CDH18: variants seen among roughly 807,000 people sequenced by gnomAD.
CDH18 encodes cadherin 18.
A neutral mutation model predicts 67.9 loss-of-function variants in CDH18; 31 were observed. The ratio of observed to expected loss-of-function variants is 0.46; its 90% CI spans 0.34 to 0.62. CDH18 has a LOEUF of 0.62. Among genes scored for constraint, CDH18 ranks in the 20% least tolerant of loss-of-function variants. The probability of loss-of-function intolerance (pLI) is 0.01; values close to 1 mark genes in which losing one functional copy is unlikely to be tolerated. For synonymous variants in CDH18, 362 were observed against 347.2 expected, an observed-to-expected ratio of 1.04 and a Z score of -0.48; for missense variants, 890 against 975.5, an observed-to-expected ratio of 0.91 and a Z score of 1.17.
chr5:19,983,472 G>A (rs1799263403), intron 1 of CDH18, among the ~76,000 whole-genome samples: 1 of 152,104 alleles, frequency 6.6e-6, no homozygotes. Flanking sequence ...TGTGTTTTGA[G>A]TAAAATCTTG....
chr5:20,251,069 G>T (rs1743823287), intron 2 of CDH18, among the ~76,000 whole-genome samples: 1 of 152,128 alleles, frequency 6.6e-6, no homozygotes, highest in Non-Finnish European at 1.5e-5. Context: ...TAAAATTTGT[G>T]ATGTTCTACA....
At chr5:20,296,921 C>T (rs1336064506) in intron 1 of CDH18, among the ~76,000 whole-genome samples, 1 of 151,628 alleles carries the variant, frequency 6.6e-6, no homozygotes, top group Admixed American at 6.6e-5. Context: ...GTCTATGTTA[C>T]TCAATACAGA....
At chr5:20,091,216 T>C (rs1226786188) in intron 2 of CDH18, among the ~76,000 whole-genome samples, 1 of 152,138 alleles carries the variant, frequency 6.6e-6, no homozygotes, top group Non-Finnish European at 1.5e-5. Context: ...CCAGGCACAG[T>C]GGCTCATGCC....
intron 1 of CDH18, among the ~76,000 whole-genome samples, chr5:20,408,922 A>G (rs911564764): frequency 8.6e-5 from 13 of 151,870 alleles, no homozygotes; most frequent in Admixed American, 4.6e-4. Context: ...AGGAATACTT[A>G]TCTCAGAAAA....
chr5:20,171,401 C>T (rs1736697097), intron 2 of CDH18, among the ~76,000 whole-genome samples: 1 of 151,924 alleles, frequency 6.6e-6, no homozygotes, highest in Non-Finnish European at 1.5e-5. Flanking sequence ...TTTTTAATAA[C>T]CATTCTGAGT....
At chr5:20,056,692 T>C (rs910813988) in intron 2 of CDH18, among the ~76,000 whole-genome samples, 2 of 136,336 alleles carry the variant, frequency 1.5e-5, no homozygotes, top group Admixed American at 1.5e-4. Context: ...TTTTTTTTTT[T>C]TTTTTTTTTT....
At chr5:19,737,945 A>G (rs2150679658) in intron 4 of CDH18, among the ~76,000 whole-genome samples, 1 of 152,262 alleles carries the variant, frequency 6.6e-6, no homozygotes, top group South Asian at 2.1e-4. Context: ...TGTTATTATT[A>G]GGATCTATAT....
At chr5:20,439,119 A>T (rs1324365842) in intron 1 of CDH18, among the ~76,000 whole-genome samples, 1 of 151,074 alleles carries the variant, frequency 6.6e-6, no homozygotes, top group African/African-American at 2.4e-5. Context: ...AAATATGTAC[A>T]TATTTGATCT....
intron 3 of CDH18, among the ~76,000 whole-genome samples, chr5:19,780,718 A>G (rs1159807173): frequency 6.6e-6 from 1 of 152,018 alleles, no homozygotes. Flanking sequence ...TAGAGACAAA[A>G]TGTATTTATA....
intron 2 of CDH18, among the ~76,000 whole-genome samples, chr5:20,053,474 A>G (rs1347523): frequency 1.3e-5 from 2 of 151,846 alleles, no homozygotes; most frequent in South Asian, 2.1e-4. Context: ...TACTCTCCCC[A>G]TCTCAGCTTT....
intron 1 of CDH18, among the ~76,000 whole-genome samples, chr5:20,549,687 A>G (rs1291713486): frequency 1.3e-5 from 2 of 152,268 alleles, no homozygotes; most frequent in South Asian, 4.1e-4. Flanking sequence ...TCACGAGGCA[A>G]GATTCAATTA....
intron 2 of CDH18, among the ~76,000 whole-genome samples, chr5:19,972,189 T>C (rs1040418512): frequency 2.6e-5 from 4 of 152,090 alleles, no homozygotes; most frequent in African/African-American, 9.6e-5. Context: ...AGCACAGCCT[T>C]TGTTTTTCTC....
At chr5:20,565,754 G>T (rs1375809352) in intron 1 of CDH18, among the ~76,000 whole-genome samples, 1 of 73,576 alleles carries the variant, frequency 1.4e-5, no homozygotes, top group African/African-American at 6.3e-5. Context: ...TGTACGTTAT[G>T]ATAAAAAAAA....
chr5:20,149,750 T>G (rs1750952046), intron 2 of CDH18, among the ~76,000 whole-genome samples: 1 of 152,160 alleles, frequency 6.6e-6, no homozygotes, highest in Admixed American at 6.5e-5. Flanking sequence ...TTCTGCAAAC[T>G]TTAACCAGAC....
intron 1 of CDH18, among the ~76,000 whole-genome samples, chr5:20,488,701 A>ACC: frequency 2.0e-5 from 1 of 49,622 alleles, no homozygotes; most frequent in Non-Finnish European, 5.1e-5. Context: ...ATATATATAT[A>ACC]CACACACATA....
intron 3 of CDH18, among the ~76,000 whole-genome samples, chr5:19,801,805 C>T (rs1333269388): frequency 6.6e-6 from 1 of 152,138 alleles, no homozygotes; most frequent in Non-Finnish European, 1.5e-5. Context: ...CCAGAAAGAG[C>T]TTTTGGTCTC....
chr5:20,401,780 A>C (rs1363654876), intron 1 of CDH18, among the ~76,000 whole-genome samples: 1 of 152,174 alleles, frequency 6.6e-6, no homozygotes, highest in Admixed American at 6.5e-5. Flanking sequence ...CATCAATTGG[A>C]GTATTCCATT....
chr5:19,708,623 G>A (rs1330256934), intron 5 of CDH18, among the ~76,000 whole-genome samples: 1 of 152,180 alleles, frequency 6.6e-6, no homozygotes, highest in Non-Finnish European at 1.5e-5. Flanking sequence ...GGCCCACTCA[G>A]GGCAGAAAAC....
chr5:20,113,534 T>A (rs1747649657), intron 2 of CDH18, among the ~76,000 whole-genome samples: 1 of 152,226 alleles, frequency 6.6e-6, no homozygotes, highest in Non-Finnish European at 1.5e-5. Context: ...CTGTGATACA[T>A]GAGGCATGAC....
Sources: allele counts gnomAD v4.1 joint callset (sites outside exome capture counted in the v4.1 genomes callset), GRCh38; gene constraint gnomAD v4.1.1; transcripts MANE v1.5; gene names NCBI Gene and HGNC (gene_info 2026-07-23, HGNC 2026-07-21).